PACRGL: variants seen among roughly 807,000 people sequenced by gnomAD.
The protein encoded by PACRGL is PACRG-like protein.
PACRGL carries 38 observed loss-of-function variants against 34.5 expected under a neutral mutation model. The observed-to-expected ratio is 1.10, with a 90% CI of 0.85 to 1.44. The LOEUF is 1.44. PACRGL is among the 40% of genes most tolerant of loss of function. PACRGL has a pLI of 0.00. For synonymous variants in PACRGL, 128 were observed against 100.1 expected (o/e 1.28, Z -1.66); for missense variants, 305 against 281.4 (o/e 1.08, Z -0.60).
At chr4:20,712,213 T>C (rs1450670777) in intron 5 of PACRGL, among the ~76,000 whole-genome samples, 1 of 151,782 alleles carries the variant, frequency 6.6e-6, no homozygotes, top group Non-Finnish European at 1.5e-5. Flanking sequence ...ATATTTTTTC[T>C]TGCCTCCCCT....
At chr4:20,749,209 A>G (rs926575670) in intron 8 of PACRGL, among the ~76,000 whole-genome samples, 8 of 150,042 alleles carry the variant, frequency 5.3e-5, no homozygotes, top group Non-Finnish European at 7.4e-5. Context: ...TTGTAATTTA[A>G]AAAGAGATTT....
chr4:20,726,049 C>T (rs1047105847), intron 8 of PACRGL, among the ~76,000 whole-genome samples: 3 of 152,066 alleles, frequency 2.0e-5, no homozygotes, highest in African/African-American at 7.2e-5. Context: ...AATGATGCCA[C>T]AGCTTTTCAG....
In PACRGL at chr4:20,702,257, TA is replaced by T. The variant is rs1270312986; in HGVS notation, c.-17+1471del. ...TTGAAAAATGTGCATCATAATTTGA[TA>T]TGGCTGCCTGTGCCCTTGTTATGTT... On this transcript the variant is annotated intron_variant, in intron 1 of 8. Transcript: ENST00000503585. The T allele has an allele frequency of 8.8e-6, 4 of 455,812 alleles. No homozygotes were observed. The Middle Eastern group carries it at 9.7e-4, about 111-fold the overall frequency. The allele number at this position is 455,812 out of a possible 1,614,324, so 28.2% of individuals were successfully genotyped here. A position where few individuals can be genotyped will look rare whatever the true frequency, so the allele number is the denominator to read the frequency against.
intron 3 of PACRGL, among the ~76,000 whole-genome samples, chr4:20,706,724 C>T (rs906786328): frequency 7.2e-5 from 11 of 151,900 alleles, no homozygotes; most frequent in Admixed American, 3.3e-4. Context: ...TACAGGCACC[C>T]GCCACCATCC....
At chr4:20,723,365 G>C (rs1744249287) in intron 7 of PACRGL, among the ~76,000 whole-genome samples, 1 of 152,100 alleles carries the variant, frequency 6.6e-6, no homozygotes, top group African/African-American at 2.4e-5. Context: ...AATATAATCT[G>C]AGCAGAAACA....
chr4:20,744,082 A>C (rs1413061803), intron 8 of PACRGL, among the ~76,000 whole-genome samples: 1 of 152,352 alleles, frequency 6.6e-6, no homozygotes, highest in East Asian at 1.9e-4. Flanking sequence ...CACACCAGTT[A>C]GAATGACAAT....
intron 8 of PACRGL, among the ~76,000 whole-genome samples, chr4:20,750,881 C>A (rs1320729356): frequency 6.6e-6 from 1 of 151,770 alleles, no homozygotes; most frequent in East Asian, 1.9e-4. Context: ...TAACTTTTAA[C>A]CTTTATTGGG....
chr4:20,753,308 C>T (rs189095756), downstream of PACRGL, among the ~76,000 whole-genome samples: 1 of 152,020 alleles, frequency 6.6e-6, no homozygotes, highest in Admixed American at 6.6e-5. Flanking sequence ...GTAGAAAAAA[C>T]CCCTAGGATT....
intron 4 of PACRGL, among the ~76,000 whole-genome samples, chr4:20,708,520 G>A (rs755005331): frequency 3.9e-5 from 6 of 152,024 alleles, no homozygotes; most frequent in African/African-American, 1.4e-4. Context: ...TGAAAAATAA[G>A]CTCAAGAAAT....
At chr4:20,743,875 A>C (rs1321158357) in intron 8 of PACRGL, among the ~76,000 whole-genome samples, 1 of 152,114 alleles carries the variant, frequency 6.6e-6, no homozygotes, top group Non-Finnish European at 1.5e-5. Context: ...TACTCATCTG[A>C]CAAAGGGCTA....
chr4:20,702,326 A>G (rs1244419779), intron 1 of PACRGL: 1 of 396,558 alleles, frequency 2.5e-6, no homozygotes, highest in Non-Finnish European at 5.1e-6. Flanking sequence ...TATCTGTTGC[A>G]GCTGTTAACA....
Position 20,739,548 on chromosome 4 carries a change from AC to A in PACRGL, c.*56+12152del, listed in dbSNP as rs747762056. ...TGACAAACAGAAGGGAATAGCATCA[AC>A]ATCAACAAAAAGGACATCCACACCA... On this transcript the variant is annotated intron_variant, in intron 8 of 8. Transcript: ENST00000507634. 1.6e-4 allele frequency among the ~76,000 whole-genome samples: 24 copies of A among 152,338 alleles called. 1 individual carries two copies. The highest frequency in any genetic ancestry group is 5.2e-4 in the Admixed American group (8 of 15,304).
chr4:20,733,011 C>G (rs2149267648), downstream of PACRGL, among the ~76,000 whole-genome samples: 1 of 152,212 alleles, frequency 6.6e-6, no homozygotes, highest in East Asian at 1.9e-4. Flanking sequence ...CTCTTGGTTT[C>G]AAAAGGAAGC....
intron 7 of PACRGL, among the ~76,000 whole-genome samples, chr4:20,714,460 A>G (rs1738839917): frequency 6.6e-6 from 1 of 152,140 alleles, no homozygotes; most frequent in South Asian, 2.1e-4. Context: ...CCAATATGCC[A>G]GTCTGTGTCT....
chr4:20,717,304 G>C (rs969047868), intron 7 of PACRGL, among the ~76,000 whole-genome samples: 1 of 152,154 alleles, frequency 6.6e-6, no homozygotes, highest in Non-Finnish European at 1.5e-5. Context: ...TCTGATGGTA[G>C]TTTCTTTTGC....
the PACRGL span, chr4:20,758,758 C>G: frequency 7.8e-7 from 1 of 1,285,336 alleles, no homozygotes; most frequent in Non-Finnish European, 1.1e-6. Flanking sequence ...AAAAATTAAA[C>G]TCAACACTGC....
intron 8 of PACRGL, among the ~76,000 whole-genome samples, chr4:20,743,317 T>C (rs1422154001): frequency 6.6e-6 from 1 of 152,092 alleles, no homozygotes; most frequent in Non-Finnish European, 1.5e-5. Context: ...GCCAAGTCAA[T>C]CCTAAGCCAA....
At chr4:20,717,326 T>A (rs1278023962) in intron 7 of PACRGL, among the ~76,000 whole-genome samples, 1 of 152,190 alleles carries the variant, frequency 6.6e-6, no homozygotes, top group Non-Finnish European at 1.5e-5. Flanking sequence ...GTGCAGAAGC[T>A]CTTTAGTTTA....
intron 1 of PACRGL, 78 bp from the exon 2 acceptor site, chr4:20,704,388 C>T (rs1733615739): frequency 2.2e-6 from 3 of 1,335,916 alleles, no homozygotes; most frequent in Admixed American, 4.1e-5. Flanking sequence ...ATACTCTGTT[C>T]TGGTTTTGTC....
Sources: allele counts gnomAD v4.1 joint callset (sites outside exome capture counted in the v4.1 genomes callset), GRCh38; gene constraint gnomAD v4.1.1; transcripts MANE v1.5; gene names NCBI Gene and HGNC (gene_info 2026-07-23, HGNC 2026-07-21).